The following GRIN2D variants were observed in gnomAD, a reference collection of about 807,000 sequenced individuals.
GRIN2D encodes glutamate ionotropic receptor NMDA type subunit 2D, also known as glutamate receptor ionotropic, NMDA 2D.
Under a neutral mutation model 103.2 loss-of-function variants are expected in GRIN2D, and 37 were observed. That is an observed-to-expected ratio of 0.36 (90% CI 0.28 to 0.47). The LOEUF (loss-of-function observed/expected upper bound fraction) is 0.47. Among genes scored for constraint, GRIN2D ranks in the 20% least tolerant of loss-of-function variants. The pLI is 1.00. For synonymous variants in GRIN2D, 845 were observed against 885.6 expected (o/e 0.95, Z 0.81); for missense variants, 1,557 against 1,910.6 (o/e 0.81, Z 3.45).
intron 8 of GRIN2D, among the ~76,000 whole-genome samples, chr19:48,418,001 G>C (rs952655459): frequency 1.7e-4 from 26 of 151,776 alleles, no homozygotes; most frequent in Admixed American, 6.6e-5. Context: ...ACAAGGAAGA[G>C]AGGGTGTCGC....
chr19:48,436,610 C>T (rs558936244), intron 11 of GRIN2D, among the ~76,000 whole-genome samples: 1 of 152,282 alleles, frequency 6.6e-6, no homozygotes, highest in East Asian at 1.9e-4. Context: ...AGAGTCAAAC[C>T]ATGAACAGAA....
intron 3 of GRIN2D, among the ~76,000 whole-genome samples, chr19:48,399,868 G>GCCT (rs1970687936): frequency 6.9e-6 from 1 of 144,734 alleles, no homozygotes; most frequent in African/African-American, 2.6e-5. Context: ...AGGGGGCGGG[G>GCCT]CTAGCCAGTT....
At chr19:48,409,471 T>C (rs2147445741) in intron 4 of GRIN2D, among the ~76,000 whole-genome samples, 1 of 152,034 alleles carries the variant, frequency 6.6e-6, no homozygotes, top group East Asian at 1.9e-4. Flanking sequence ...GAGATGGGGT[T>C]TCACTATGTT....
chr19:48,409,065 A>C (rs2147445311), intron 4 of GRIN2D, among the ~76,000 whole-genome samples: 1 of 151,886 alleles, frequency 6.6e-6, no homozygotes, highest in East Asian at 1.9e-4. Flanking sequence ...CCGTCTGATG[A>C]GGGTCTTCTT....
rs1970921974 is a variant in GRIN2D, at chr19:48,414,810, A to G, written c.1413-54A>G. The G allele has an allele frequency of 6.3e-7, 1 of 1,578,118 alleles. No homozygotes were observed. Among genetic ancestry groups the G allele is most frequent in the Non-Finnish European group, 8.7e-7 (1 of 1,154,244 alleles). On this transcript the variant is annotated intron_variant, in intron 6 of 13. Transcript: ENST00000263269. The surrounding 1 kb of genome is among the most constrained non-coding windows in gnomAD (Gnocchi z 4.6). Reference sequence around the variant, plus strand: ...CCTTCCTCCATATCCTCTCTTCATGAGAGAGTCTAAGGAGGGGGTCCCCAA... The same window carrying G: ...CCTTCCTCCATATCCTCTCTTCATGGGAGAGTCTAAGGAGGGGGTCCCCAA...
rs758110369 is a variant in GRIN2D at position 48,414,434 on chromosome 19, G to A, written c.1262G>A (p.Arg421His). 3 of 1,609,448 alleles carry A rather than the reference G, an allele frequency of 1.9e-6. No homozygotes were observed. Among genetic ancestry groups the A allele is most frequent in the Admixed American group, 1.7e-5 (1 of 59,400 alleles). Residue 421 changes from arginine to histidine, a missense_variant, in exon 6 of 14, where the codon CGC (arginine) becomes CAC (histidine). Around this residue, in one of 7 missense-constraint regions of GRIN2D, gnomAD observed 490 missense variants for 601.1 expected, o/e 0.82. Transcript: ENST00000263269. This position sits in a 1 kb window ranked among gnomAD's most constrained non-coding sequence, Gnocchi z 4.6. The part of the protein sequence containing the change: ...LKYPLWSRYG[R>H]FLQPVDDTQH... ...TACCCGCTGTGGTCCCGCTATGGTC[G>A]CTTCCTGCAGCCAGTGGACGACACG... is the stretch of plus-strand genomic sequence containing the variant.
intron 3 of GRIN2D, among the ~76,000 whole-genome samples, chr19:48,403,857 G>A (rs1970748051): frequency 6.6e-6 from 1 of 152,210 alleles, no homozygotes. Flanking sequence ...ACCGGATGCT[G>A]GTTGTATTAA....
At chr19:48,408,653 T>C (rs1970819532) in intron 4 of GRIN2D, among the ~76,000 whole-genome samples, 3 of 151,790 alleles carry the variant, frequency 2.0e-5, no homozygotes, top group Admixed American at 2.0e-4. Context: ...ACACCATCTC[T>C]ACTAAAAACT....
intron 11 of GRIN2D, among the ~76,000 whole-genome samples, chr19:48,431,673 C>T (rs374023825): frequency 6.6e-6 from 1 of 151,842 alleles, no homozygotes; most frequent in Non-Finnish European, 1.5e-5. Flanking sequence ...CAACCTCCAC[C>T]TCCCAGGTAC....
Position 48,393,759 on chromosome 19 carries a change from TC to T in GRIN2D, c.-414del, listed in dbSNP as rs1258666781. Among the ~76,000 whole-genome samples the T allele has an allele frequency of 2.0e-5, 3 of 151,998 alleles. No homozygotes were observed. The highest frequency in any genetic ancestry group is 7.3e-5 in the African/African-American group (3 of 41,364). On this transcript the variant is annotated 5_prime_UTR_variant, in exon 1 of 14. Coordinates refer to ENST00000263269, the MANE Select transcript of GRIN2D (RefSeq NM_000836.4). This position sits in a 1 kb window ranked among gnomAD's most constrained non-coding sequence, Gnocchi z 5.6. ...CAAGCCGCGGCCGCCGCCGCCACCC[TC>T]GCCCGCAGCCTCCCGCAGCCTCCCT...
chr19:48,442,512 T>A lies in GRIN2D; in HGVS notation c.2674-88T>A. ...GAAGAGAGCGGGAAACACAGGCGGG[T>A]AAATGGAGAGGAGAGAGGGACTGAG... On this transcript the variant is annotated intron_variant, in intron 13 of 13. Coordinates refer to ENST00000263269, the MANE Select transcript of GRIN2D (RefSeq NM_000836.4). This position sits in a 1 kb window ranked among gnomAD's most constrained non-coding sequence, Gnocchi z 7.2. 6.7e-7 allele frequency: 1 copy of A among 1,484,984 alleles called. No individual in the cohort carries two copies. Among genetic ancestry groups the A allele is most frequent in the Non-Finnish European group, 8.9e-7 (1 of 1,119,282 alleles). 92.0% of individuals were successfully genotyped at this position (1,484,984 alleles called of 1,614,324 possible).
intron 3 of GRIN2D, among the ~76,000 whole-genome samples, chr19:48,400,167 C>G (rs968349729): frequency 6.6e-6 from 1 of 151,954 alleles, no homozygotes; most frequent in East Asian, 1.9e-4. Context: ...CCAGTTGTAG[C>G]GGACCTCTGG....
In GRIN2D at chr19:48,418,432, G is replaced by T. The variant is rs1049142921; in HGVS notation, c.1736-802G>T. 3.3e-5 allele frequency among the ~76,000 whole-genome samples: 5 copies of T among 152,222 alleles called. No individual in the cohort carries two copies. In the East Asian group the frequency reaches 9.7e-4, roughly 29 times the overall value. The stretch of plus-strand genomic sequence containing the variant: ...GTGGCAGGGACTTTGTCCTGGGGGT[G>T]CTAGGGAGCCTGGGGAGGGCTGTAA... On this transcript the variant is annotated intron_variant, in intron 8 of 13. Coordinates refer to ENST00000263269, the MANE Select transcript of GRIN2D (RefSeq NM_000836.4).
Position 48,415,043 on chromosome 19 carries a change from G to C in GRIN2D, c.1581+11G>C. 1 of 1,567,154 alleles carries C rather than the reference G, an allele frequency of 6.4e-7. No homozygotes were observed. Among genetic ancestry groups the C allele is most frequent in the Non-Finnish European group, 8.7e-7 (1 of 1,152,234 alleles). On this transcript the variant is annotated intron_variant, in intron 7 of 13. Transcript: ENST00000263269. ...GGCATGATCGGGGAGGTGAGGGGGCGGACGGGAGGCGGGGAATCTTCGGGG... is the reference window on the plus strand; with the variant it reads ...GGCATGATCGGGGAGGTGAGGGGGCCGACGGGAGGCGGGGAATCTTCGGGG...
chr19:48,406,092 G>A (rs569823077), intron 4 of GRIN2D, among the ~76,000 whole-genome samples: 4 of 152,298 alleles, frequency 2.6e-5, no homozygotes, highest in African/African-American at 7.2e-5. Context: ...TTGGTTGGAC[G>A]TCTATTGGAA....
At chr19:48,415,385 A>T (rs1266809850) in intron 7 of GRIN2D, among the ~76,000 whole-genome samples, 7 of 151,334 alleles carry the variant, frequency 4.6e-5, no homozygotes, top group South Asian at 4.2e-4. Flanking sequence ...ATAATAATAA[A>T]AAAAAAGAGG....
chr19:48,429,410 A>T (rs1367509986), intron 11 of GRIN2D, among the ~76,000 whole-genome samples: 2 of 149,606 alleles, frequency 1.3e-5, no homozygotes, highest in Non-Finnish European at 3.0e-5. Context: ...TTATTTATTT[A>T]TTTTTTTGAG....
intron 2 of GRIN2D, among the ~76,000 whole-genome samples, chr19:48,395,262 C>G (rs1483981942): frequency 6.6e-6 from 1 of 151,448 alleles, no homozygotes; most frequent in African/African-American, 2.4e-5. Context: ...CTCCCTGTAC[C>G]CCCCTCCCTG....
chr19:48,402,723 CAAAA>C, intron 3 of GRIN2D, among the ~76,000 whole-genome samples: 1 of 43,136 alleles, frequency 2.3e-5, no homozygotes, highest in Non-Finnish European at 4.2e-5. Context: ...GACTCCGTCT[CAAAA>C]AAAAAAAAAA....
Sources: gnomAD v4.1 joint callset for allele counts (sites outside exome capture counted in the v4.1 genomes callset) on GRCh38, gnomAD v4.1.1 for gene constraint, gnomAD v4.1.1 regional missense constraint, Gnocchi (gnomAD v3.1) non-coding constraint, MANE v1.5 for transcripts, NCBI Gene and HGNC (gene_info 2026-07-23, HGNC 2026-07-21) for gene names.